The following TBCD variants were observed in gnomAD, a reference collection of about 807,000 sequenced individuals.
TBCD encodes the protein tubulin folding cofactor D.
A neutral mutation model predicts 169.3 loss-of-function variants in TBCD; 105 were observed. The observed-to-expected ratio is 0.62, with a 90% CI of 0.53 to 0.73. The LOEUF is 0.73. Ranked by LOEUF, TBCD falls within the 30% of genes least tolerant of loss-of-function variation. The pLI, the probability that TBCD is intolerant of heterozygous loss-of-function variation, is 0.00. For synonymous variants in TBCD, 700 were observed against 643.9 expected, an observed-to-expected ratio of 1.09 and a Z score of -1.32; for missense variants, 1,444 against 1,600.1, an observed-to-expected ratio of 0.90 and a Z score of 1.66.
chr17:82,930,569 G>C lies in TBCD; in HGVS notation c.3039G>C (p.Gln1013His). ...TCTTTGAGTACATGAAGGGCATTCA[G>C]AGCGACCCGCAGGCCCTGGGCAGCT... ...QSLFEYMKGI[Q>H]SDPQALGSFS... Residue 1013 changes from glutamine (Q) to histidine (H), a missense_variant, in exon 33 of 39, where the codon CAG becomes CAC. Physicochemically the swap from Gln to His is conservative, Grantham distance 24 (BLOSUM62 0). Coordinates refer to ENST00000355528, the MANE Select transcript of TBCD (RefSeq NM_005993.5). The surrounding 1 kb of genome is among the most constrained non-coding windows in gnomAD (Gnocchi z 5.2). 1 of 1,613,916 alleles carries C rather than the reference G, an allele frequency of 6.2e-7. No individual in the cohort carries two copies. Among genetic ancestry groups the C allele is most frequent in the Non-Finnish European group, 8.5e-7 (1 of 1,179,874 alleles).
intron 17 of TBCD, among the ~76,000 whole-genome samples, chr17:82,899,361 T>TCCTCAGC (rs1567989131): frequency 2.0e-5 from 3 of 149,612 alleles, no homozygotes; most frequent in Admixed American, 1.3e-4. Flanking sequence ...GTGTCCGCAG[T>TCCTCAGC]GCGTCCTCAG....
chr17:82,840,099 C>T (rs955405308), intron 13 of TBCD: 1 of 152,160 alleles, frequency 6.6e-6, no homozygotes, highest in African/African-American at 2.4e-5. Flanking sequence ...CCTGATATTC[C>T]TCCTGCCCGC....
chr17:82,775,867 T>G (rs1022667894), intron 6 of TBCD, among the ~76,000 whole-genome samples: 4 of 151,840 alleles, frequency 2.6e-5, no homozygotes, highest in African/African-American at 9.7e-5. Flanking sequence ...AATGTGCACA[T>G]GTACCCTAAA....
intron 13 of TBCD, among the ~76,000 whole-genome samples, chr17:82,844,190 G>T (rs1031011392): frequency 2.0e-5 from 1 of 49,246 alleles, no homozygotes; most frequent in Admixed American, 2.1e-4. Flanking sequence ...GTGGAGGAGT[G>T]GGGGTGGATG....
chr17:82,912,667 A>AGG (rs1302533818), intron 23 of TBCD, among the ~76,000 whole-genome samples: 1 of 151,820 alleles, frequency 6.6e-6, no homozygotes, highest in Non-Finnish European at 1.5e-5. Flanking sequence ...GTCTGAGCAG[A>AGG]GGAGAGCAGG....
intron 9 of TBCD, among the ~76,000 whole-genome samples, chr17:82,804,638 C>T (rs895780809): frequency 1.3e-5 from 2 of 152,196 alleles, no homozygotes; most frequent in Admixed American, 1.3e-4. Context: ...ACCATGTGGG[C>T]CCCTCCGCAG....
rs547281255 is a variant in TBCD at position 82,873,392 on chromosome 17, G to T, written c.1475+3012G>T. 7.2e-5 allele frequency among the ~76,000 whole-genome samples: 11 copies of T among 152,268 alleles called. 1 individual carries two copies. Among genetic ancestry groups the T allele is most frequent in the Admixed American group, 6.5e-4 (10 of 15,302 alleles). ...TGTCTAGGTGGGCACGGAACCCAGG[G>T]TCGTGTATGGGCCATCACTCATGGG... On this transcript the variant is annotated intron_variant, in intron 14 of 38. Transcript: ENST00000355528.
At chr17:82,754,089 A>T (rs1304279720) in intron 1 of TBCD, among the ~76,000 whole-genome samples, 1 of 151,148 alleles carries the variant, frequency 6.6e-6, no homozygotes, top group African/African-American at 2.4e-5. Context: ...GTTAGCCAGG[A>T]TGGTCTCGAT....
Position 82,870,148 on chromosome 17 carries a change from A to G in TBCD, c.1319-76A>G, listed in dbSNP as rs907864078. The G allele has an allele frequency of 1.1e-5, 17 of 1,594,094 alleles. No homozygotes were observed. In the African/African-American group the frequency reaches 2.3e-4, roughly 21 times the overall value. ...GCACCGTGACCGCGCTCCGGCCCTG[A>G]GCCCCACTTCTCTGAAGCCTCACGT... On this transcript the variant is annotated intron_variant, in intron 13 of 38. Coordinates refer to ENST00000355528, the MANE Select transcript of TBCD (RefSeq NM_005993.5).
Position 82,814,935 on chromosome 17 carries a change from G to T in TBCD, c.1318+1G>T, listed in dbSNP as rs1404110588. On this transcript the variant is annotated splice_donor_variant, in intron 13 of 38. Transcript: ENST00000355528. LOFTEE classifies it high-confidence loss of function. ...TTGCTGCCGTCTCGACTCGTGGATGGTGAGTAGCTGAGGCACGGTCAGGGG... is the reference window on the plus strand; with the variant it reads ...TTGCTGCCGTCTCGACTCGTGGATGTTGAGTAGCTGAGGCACGGTCAGGGG... The T allele has an allele frequency of 1.9e-6, 3 of 1,611,156 alleles. No individual in the cohort carries two copies. The highest frequency in any genetic ancestry group is 1.1e-5 in the South Asian group (1 of 90,702).
rs2063599626 is a variant in TBCD, at chr17:82,945,140, A to G, written c.*2677A>G. ...AAATGATCAAGAAGAGATTAGAAAAAAACAGAGCCCCTAGAAATGTAAGAA... is the reference window on the plus strand; with the variant it reads ...AAATGATCAAGAAGAGATTAGAAAAGAACAGAGCCCCTAGAAATGTAAGAA... On this transcript the variant is annotated 3_prime_UTR_variant, in exon 39 of 39. Coordinates refer to ENST00000355528, the MANE Select transcript of TBCD (RefSeq NM_005993.5). 1 of 152,254 alleles carries G rather than the reference A, an allele frequency of 6.6e-6. No individual in the cohort carries two copies. The highest frequency in any genetic ancestry group is 2.1e-4 in the South Asian group (1 of 4,832). 9.4% of individuals were successfully genotyped at this position (152,254 alleles called of 1,614,324 possible).
At chr17:82,769,574 A>AAAGATTATGG (rs1395640240) in intron 5 of TBCD, among the ~76,000 whole-genome samples, 3 of 152,212 alleles carry the variant, frequency 2.0e-5, no homozygotes, top group Admixed American at 2.0e-4. Flanking sequence ...CTTATGGATT[A>AAAGATTATGG]ATAATTTAAC....
At chr17:82,756,118 A>C (rs2047388371) in intron 1 of TBCD, 47 bp from the exon 2 acceptor site, 20 of 1,480,282 alleles carry the variant, frequency 1.4e-5, no homozygotes, top group Non-Finnish European at 1.7e-5. Context: ...GCTCATGGGT[A>C]TGTTTGGCCT....
intron 13 of TBCD, among the ~76,000 whole-genome samples, chr17:82,849,550 T>TA (rs2055473764): frequency 2.0e-5 from 3 of 152,250 alleles, no homozygotes; most frequent in African/African-American, 7.2e-5. Flanking sequence ...TTATCTCAAG[T>TA]TCATTTCAAG....
chr17:82,807,095 G>A (rs1179565104), intron 10 of TBCD, among the ~76,000 whole-genome samples: 1 of 152,250 alleles, frequency 6.6e-6, no homozygotes, highest in African/African-American at 2.4e-5. Context: ...GTGCCCACAG[G>A]CGAAGGCTTC....
At position 82,782,397 on chromosome 17, in the gene TBCD, C is replaced by G. The variant is rs1309069795; in HGVS notation, c.771+676C>G. Among the ~76,000 whole-genome samples, 1 of 152,174 alleles carries G rather than the reference C, an allele frequency of 6.6e-6. No homozygotes were observed. Among genetic ancestry groups the G allele is most frequent in the African/African-American group, 2.4e-5 (1 of 41,444 alleles). ...GGCCTTTGGCGTGGTGGGTTCAGCG[C>G]CTTCTTCTCTCTTTAATTACAGCGG... On this transcript the variant is annotated intron_variant, in intron 7 of 38. Coordinates refer to ENST00000355528, the MANE Select transcript of TBCD (RefSeq NM_005993.5). This position sits in a 1 kb window ranked among gnomAD's most constrained non-coding sequence, Gnocchi z 5.1.
chr17:82,811,544 G>T (rs753928844), intron 12 of TBCD, among the ~76,000 whole-genome samples: 1 of 152,220 alleles, frequency 6.6e-6, no homozygotes, highest in Non-Finnish European at 1.5e-5. Context: ...CAAAGTAGCT[G>T]CAGGGCCATC....
intron 9 of TBCD, among the ~76,000 whole-genome samples, chr17:82,802,037 T>C (rs1182404986): frequency 1.4e-5 from 2 of 138,342 alleles, no homozygotes; most frequent in Non-Finnish European, 3.2e-5. Flanking sequence ...TCAGAGGCGG[T>C]GCGGCCTCCC....
rs1416274322 is a variant in TBCD at position 82,831,851 on chromosome 17, T to C, written c.1318+16917T>C. On this transcript the variant is annotated intron_variant, in intron 13 of 38. Coordinates refer to ENST00000355528, the MANE Select transcript of TBCD (RefSeq NM_005993.5). The surrounding 1 kb of genome is among the most constrained non-coding windows in gnomAD (Gnocchi z 4.6). ...CCGGCTTTCCAGGGGTAGCCAGGAG[T>C]GTGGAAGGCCGACTTGGTGTGGAAA... 1 of 1,613,590 alleles carries C rather than the reference T, an allele frequency of 6.2e-7. No homozygotes were observed. Among genetic ancestry groups the C allele is most frequent in the Non-Finnish European group, 8.5e-7 (1 of 1,179,854 alleles).
Sources: gnomAD v4.1 joint callset for allele counts (sites outside exome capture counted in the v4.1 genomes callset) on GRCh38, gnomAD v4.1.1 for gene constraint, Gnocchi (gnomAD v3.1) non-coding constraint, MANE v1.5 for transcripts, NCBI Gene and HGNC (gene_info 2026-07-23, HGNC 2026-07-21) for gene names.